MBTD1: variants seen among roughly 807,000 people sequenced by gnomAD.
MBTD1 encodes the protein mbt domain containing 1, also known as MBT domain-containing protein 1.
In MBTD1, 24 loss-of-function variants were observed where a neutral mutation model predicts 87.8. The ratio of observed to expected loss-of-function variants is 0.27; its 90% CI spans 0.20 to 0.38. MBTD1 has a LOEUF of 0.38. Ranked by LOEUF, MBTD1 falls within the 10% of genes least tolerant of loss-of-function variation. The probability of loss-of-function intolerance (pLI) is 1.00; values close to 1 mark genes in which losing one functional copy is unlikely to be tolerated. For missense variants in MBTD1, 436 were observed against 760.2 expected (o/e 0.57, Z 5.02); for synonymous variants, 237 against 248.6 (o/e 0.95, Z 0.44).
At chr17:51,236,711 A>G (rs922084379) in intron 2 of MBTD1, among the ~76,000 whole-genome samples, 1 of 152,048 alleles carries the variant, frequency 6.6e-6, no homozygotes, top group African/African-American at 2.4e-5. Context: ...GTTTGCTTAT[A>G]TATCTATAGA....
At chr17:51,194,753 T>C (rs1598299193) in intron 13 of MBTD1, among the ~76,000 whole-genome samples, 1 of 148,896 alleles carries the variant, frequency 6.7e-6, no homozygotes, top group Non-Finnish European at 1.5e-5. Flanking sequence ...TCAGACATGG[T>C]TGTGCCTTTC....
At chr17:51,201,817 A>C in intron 11 of MBTD1, 121 bp from the exon 12 acceptor site, 1 of 773,780 alleles carries the variant, frequency 1.3e-6, no homozygotes, top group Non-Finnish European at 2.2e-6. Flanking sequence ...ATTATAACTC[A>C]AACTTCCATT....
chr17:51,187,340 T>C (rs896498606), intron 16 of MBTD1, among the ~76,000 whole-genome samples: 2 of 150,108 alleles, frequency 1.3e-5, no homozygotes, highest in African/African-American at 4.9e-5. Context: ...GGTTCAAGGC[T>C]GCAGTGAGCT....
At chr17:51,221,143 T>A (rs562235280) in intron 3 of MBTD1, among the ~76,000 whole-genome samples, 6 of 151,488 alleles carry the variant, frequency 4.0e-5, no homozygotes, top group Non-Finnish European at 8.8e-5. Flanking sequence ...AAAATAAAAA[T>A]AAAAAAGAGC....
intron 2 of MBTD1, among the ~76,000 whole-genome samples, chr17:51,225,746 A>G (rs1568204761): frequency 6.7e-6 from 1 of 149,608 alleles, no homozygotes; most frequent in African/African-American, 2.5e-5. Flanking sequence ...CTTTTTAATT[A>G]TGGGATGGGC....
intron 3 of MBTD1, among the ~76,000 whole-genome samples, chr17:51,224,631 T>C (rs368928901): frequency 3.0e-4 from 45 of 152,350 alleles, no homozygotes; most frequent in African/African-American, 9.9e-4. Flanking sequence ...GCACCAGTTA[T>C]GTTAAAACGG....
intron 6 of MBTD1, among the ~76,000 whole-genome samples, chr17:51,210,469 A>G (rs1439537527): frequency 6.6e-6 from 1 of 151,908 alleles, no homozygotes; most frequent in Non-Finnish European, 1.5e-5. Flanking sequence ...ACTAATTTGA[A>G]AGGCGGCCAG....
At chr17:51,182,542 G>A (rs955204019) in intron 16 of MBTD1, among the ~76,000 whole-genome samples, 3 of 152,204 alleles carry the variant, frequency 2.0e-5, no homozygotes, top group African/African-American at 7.2e-5. Flanking sequence ...CATCCTTAAA[G>A]AGCTGTGATC....
At chr17:51,260,559 G>A (rs776083391), upstream of MBTD1, 8 of 1,598,784 alleles carry the variant, frequency 5.0e-6, no homozygotes, top group East Asian at 1.6e-4. Context: ...CCACGTGAGC[G>A]CCTGCGTTTC....
At chr17:51,259,384 C>G (rs373233062) in intron 1 of MBTD1, among the ~76,000 whole-genome samples, 178 bp from the exon 2 acceptor site, 1 of 152,134 alleles carries the variant, frequency 6.6e-6, no homozygotes, top group African/African-American at 2.4e-5. Flanking sequence ...TGCAAACCGC[C>G]TCGCGGCACT....
intron 6 of MBTD1, chr17:51,209,214 C>A: frequency 5.6e-6 from 2 of 359,072 alleles, no homozygotes; most frequent in South Asian, 4.2e-5. Context: ...TCATCCAAGT[C>A]ATCTGTCTTC....
chr17:51,242,481 AGACT>A (rs915991478), intron 2 of MBTD1, among the ~76,000 whole-genome samples: 24 of 152,336 alleles, frequency 1.6e-4, no homozygotes, highest in Admixed American at 5.9e-4. Context: ...ACTTTTCTCT[AGACT>A]GACTACTGAG....
intron 12 of MBTD1, among the ~76,000 whole-genome samples, chr17:51,195,757 T>C (rs1055973946): frequency 2.6e-5 from 4 of 152,186 alleles, no homozygotes; most frequent in Non-Finnish European, 5.9e-5. Context: ...CATACAGAGT[T>C]TTTACAAACG....
Position 51,213,547 on chromosome 17 carries a change from T to TA in MBTD1, c.486+3786dup, listed in dbSNP as rs879349727. Among the ~76,000 whole-genome samples, 417 of 138,722 alleles carry TA rather than the reference T, an allele frequency of 3.0e-3. 6 individuals are homozygous for TA. The highest frequency in any genetic ancestry group is 7.2e-3 in the Middle Eastern group (2 of 276). 91.0% of individuals were successfully genotyped at this position (138,722 alleles called of 152,430 possible). Reference sequence around the variant, plus strand: ...TTAGGGGCTTAATTAAAAAGCACATTAAAAAAAAAAAAAGACTTGCATTAT... The same window carrying TA: ...TTAGGGGCTTAATTAAAAAGCACATTAAAAAAAAAAAAAAGACTTGCATTAT... On this transcript the variant is annotated intron_variant, in intron 6 of 16. Coordinates refer to ENST00000586178, the MANE Select transcript of MBTD1 (RefSeq NM_017643.3).
chr17:51,194,175 G>A (rs1444627931), intron 13 of MBTD1, among the ~76,000 whole-genome samples: 2 of 152,258 alleles, frequency 1.3e-5, no homozygotes, highest in African/African-American at 2.4e-5. Flanking sequence ...ATAGACCTCT[G>A]TTATAGCTTT....
chr17:51,193,530 T>A lies in MBTD1; in HGVS notation c.1373-20A>T. On this transcript the variant is annotated intron_variant, in intron 13 of 16. Transcript: ENST00000586178. ...TGTAACCTAAAAAACACAACTGGTT[T>A]AACTAGCAGTTCATTTAAAATTAGC... 7.5e-7 allele frequency: 1 copy of A among 1,333,410 alleles called. No individual in the cohort carries two copies. The highest frequency in any genetic ancestry group is 1.1e-6 in the Non-Finnish European group (1 of 931,650). 82.6% of individuals were successfully genotyped at this position (1,333,410 alleles called of 1,614,324 possible).
At chr17:51,190,837 T>G (rs1206069184) in intron 16 of MBTD1, among the ~76,000 whole-genome samples, 1 of 145,558 alleles carries the variant, frequency 6.9e-6, no homozygotes, top group East Asian at 2.0e-4. Context: ...TCCCAGCACT[T>G]TGGGAGGCTG....
chr17:51,188,469 T>C (rs1273668269), intron 16 of MBTD1, among the ~76,000 whole-genome samples: 1 of 152,178 alleles, frequency 6.6e-6, no homozygotes, highest in Non-Finnish European at 1.5e-5. Context: ...ACCAACGAGC[T>C]GTAAGATGAA....
chr17:51,217,921 A>G (rs1255930535), intron 5 of MBTD1, among the ~76,000 whole-genome samples: 2 of 152,168 alleles, frequency 1.3e-5, no homozygotes, highest in African/African-American at 4.8e-5. Context: ...TGTTCTATAC[A>G]TGACACATGC....
Sources: gnomAD v4.1 joint callset for allele counts (sites outside exome capture counted in the v4.1 genomes callset) on GRCh38, gnomAD v4.1.1 for gene constraint, MANE v1.5 for transcripts, NCBI Gene and HGNC (gene_info 2026-07-23, HGNC 2026-07-21) for gene names.